SIAH3: variants seen among roughly 807,000 people sequenced by gnomAD.
SIAH3 encodes the protein seven in absentia homolog 3.
A neutral mutation model predicts 12.6 loss-of-function variants in SIAH3; 9 were observed. That is an observed-to-expected ratio of 0.72 (90% CI 0.43 to 1.25). The LOEUF is 1.25. Ranked by LOEUF, SIAH3 falls within the 50% of genes most tolerant of loss-of-function variation. The pLI is 0.00. For missense variants in SIAH3, 390 were observed against 365.4 expected (o/e 1.07, Z -0.55); for synonymous variants, 154 against 151.1 (o/e 1.02, Z -0.14).
intron 1 of SIAH3, among the ~76,000 whole-genome samples, chr13:45,808,167 T>C (rs1219220891): frequency 6.6e-6 from 1 of 152,226 alleles, no homozygotes; most frequent in East Asian, 1.9e-4. Flanking sequence ...CTTGATTTTC[T>C]GTTTTGTTGA....
chr13:45,837,384 C>T (rs925327369), intron 1 of SIAH3, among the ~76,000 whole-genome samples: 1 of 151,690 alleles, frequency 6.6e-6, no homozygotes, highest in Non-Finnish European at 1.5e-5. Flanking sequence ...CTAACTTACT[C>T]ATCAAATAAT....
intron 1 of SIAH3, among the ~76,000 whole-genome samples, chr13:45,828,620 T>C (rs1049753571): frequency 6.6e-6 from 1 of 152,222 alleles, no homozygotes; most frequent in Non-Finnish European, 1.5e-5. Flanking sequence ...TGAGCTTCCA[T>C]GTGGAATTAG....
At chr13:45,830,059 T>C (rs1950693062) in intron 1 of SIAH3, among the ~76,000 whole-genome samples, 5 of 152,130 alleles carry the variant, frequency 3.3e-5, no homozygotes, top group African/African-American at 1.2e-4. Context: ...TCCATTTTTC[T>C]TCCTATCTTG....
At chr13:45,796,035 C>G (rs940584181) in intron 1 of SIAH3, among the ~76,000 whole-genome samples, 5 of 152,190 alleles carry the variant, frequency 3.3e-5, no homozygotes, top group African/African-American at 1.2e-4. Context: ...TCTATAGTGA[C>G]AGAGGCTTGA....
intron 1 of SIAH3, among the ~76,000 whole-genome samples, chr13:45,792,765 G>A (rs1421527928): frequency 2.0e-5 from 3 of 152,194 alleles, no homozygotes; most frequent in South Asian, 2.1e-4. Flanking sequence ...ACCACCACGT[G>A]TACTTTTGCC....
intron 1 of SIAH3, among the ~76,000 whole-genome samples, chr13:45,842,160 C>A (rs1950742367): frequency 6.6e-6 from 1 of 152,200 alleles, no homozygotes; most frequent in African/African-American, 2.4e-5. Context: ...GCTCTACCTT[C>A]CCCCTTCCCT....
Position 45,790,378 on chromosome 13 carries a change from C to T in SIAH3, c.136-6321G>A, listed in dbSNP as rs980979057. 7.9e-5 allele frequency among the ~76,000 whole-genome samples: 12 copies of T among 152,050 alleles called. No homozygotes were observed. The South Asian group carries it at 8.3e-4, about 11-fold the overall frequency. ...TCCATATAGATGTCTTCATAGACAC[C>T]AGTCCTATGATCTCAAAAGCCTCCT... On this transcript the variant is annotated intron_variant, in intron 1 of 1. Transcript: ENST00000400405.
chr13:45,807,374 C>T (rs1300147444), intron 1 of SIAH3, among the ~76,000 whole-genome samples: 1 of 151,452 alleles, frequency 6.6e-6, no homozygotes, highest in Non-Finnish European at 1.5e-5. Flanking sequence ...ATGAAGGAGA[C>T]TATTCAATAA....
chr13:45,804,608 T>A (rs1950592712), intron 1 of SIAH3, among the ~76,000 whole-genome samples: 1 of 152,118 alleles, frequency 6.6e-6, no homozygotes, highest in African/African-American at 2.4e-5. Flanking sequence ...ACAGCCAACA[T>A]TATACTAAAG....
At chr13:45,796,789 C>T (rs1194061234) in intron 1 of SIAH3, among the ~76,000 whole-genome samples, 1 of 152,192 alleles carries the variant, frequency 6.6e-6, no homozygotes, top group East Asian at 1.9e-4. Flanking sequence ...ATGTGGCTCT[C>T]CTCACACCGA....
intron 1 of SIAH3, among the ~76,000 whole-genome samples, chr13:45,807,537 T>C (rs1950602162): frequency 6.6e-6 from 1 of 152,116 alleles, no homozygotes; most frequent in South Asian, 2.1e-4. Flanking sequence ...CATTGTATAT[T>C]ATTAGAGAAA....
intron 1 of SIAH3, among the ~76,000 whole-genome samples, chr13:45,789,231 A>G (rs1277718029): frequency 2.0e-5 from 3 of 152,242 alleles, no homozygotes; most frequent in Admixed American, 6.5e-5. Flanking sequence ...CTTCTCCTCC[A>G]TATCAGATTC....
At chr13:45,788,315 TGTGA>T (rs1950534593) in intron 1 of SIAH3, among the ~76,000 whole-genome samples, 1 of 152,230 alleles carries the variant, frequency 6.6e-6, no homozygotes, top group African/African-American at 2.4e-5. Flanking sequence ...ACAGTGGATG[TGTGA>T]GTAATTACTT....
chr13:45,783,933 GGGTGGGCGTGGTGGCGGAGGTGGTGGT>G lies in SIAH3; in HGVS notation c.233_259del (p.His78_His86del). On this transcript the variant is annotated inframe_deletion, in exon 2 of 2. Transcript: ENST00000400405. Reference sequence around the variant, plus strand: ...CGCCTCCTGGTGGTGAAGGTGGTGGGGGTGGGCGTGGTGGCGGAGGTGGTGGTGGTGGCGGTGGTGGCAGTGGTGGTG... The same window carrying G: ...CGCCTCCTGGTGGTGAAGGTGGTGGGGGTGGCGGTGGTGGCAGTGGTGGTG... The G allele has an allele frequency of 6.2e-7, 1 of 1,608,870 alleles. No homozygotes were observed. Among genetic ancestry groups the G allele is most frequent in the Non-Finnish European group, 8.5e-7 (1 of 1,177,908 alleles).
intron 1 of SIAH3, among the ~76,000 whole-genome samples, chr13:45,807,306 A>G (rs138600005): frequency 0.013 from 1,929 of 152,194 alleles, 32 homozygotes; most frequent in African/African-American, 0.042. Context: ...TGATTTAAAA[A>G]GTTTATATGA....
At chr13:45,821,567 T>C (rs896148673) in intron 1 of SIAH3, among the ~76,000 whole-genome samples, 16 of 152,178 alleles carry the variant, frequency 1.1e-4, no homozygotes, top group African/African-American at 3.1e-4. Flanking sequence ...TCAAAAAAAT[T>C]TGGTGTCATA....
At position 45,777,538 on chromosome 13, in the gene SIAH3, G is replaced by A. The variant is rs112079191; in HGVS notation, c.*5845C>T. On this transcript the variant is annotated 3_prime_UTR_variant, in exon 2 of 2. Transcript: ENST00000400405. Reference sequence around the variant, plus strand: ...AAATTCTAACCCAGGTAGTTCATGTGATGACCTGATTTGGGGGGAAATTAA... The same window carrying A: ...AAATTCTAACCCAGGTAGTTCATGTAATGACCTGATTTGGGGGGAAATTAA... The A allele has an allele frequency of 1.3e-5, 2 of 152,120 alleles. No individual in the cohort carries two copies. The highest frequency in any genetic ancestry group is 2.9e-5 in the Non-Finnish European group (2 of 68,024). The allele number at this position is 152,120 out of a possible 1,614,324, so 9.4% of individuals were successfully genotyped here. A position where few individuals can be genotyped will look rare whatever the true frequency, so the allele number is the denominator to read the frequency against.
At position 45,848,148 on chromosome 13, in the gene SIAH3, G is replaced by A. The variant is rs1448728285; in HGVS notation, c.135+3347C>T. Among the ~76,000 whole-genome samples the A allele has an allele frequency of 5.3e-5, 8 of 152,284 alleles. No homozygotes were observed. In the South Asian group the frequency reaches 1.2e-3, roughly 24 times the overall value. ...ATGAGCGCCAGCCTGAAGTCTGCTC[G>A]TCACATTTCAATAACCTCTGTGAAT... On this transcript the variant is annotated intron_variant, in intron 1 of 1. Coordinates refer to ENST00000400405, the MANE Select transcript of SIAH3 (RefSeq NM_198849.3).
chr13:45,784,033 T>C lies in SIAH3; in HGVS notation c.160A>G (p.Thr54Ala), dbSNP rs558911325. 1.9e-6 allele frequency: 3 copies of C among 1,596,018 alleles called. No homozygotes were observed. In the South Asian group the frequency reaches 3.5e-5, roughly 18 times the overall value. ...CTGCCTTGCTCTGGAGCGCTCTGAG[T>C]GACGGCGCGCCGACTGGACACATAC... ...LKYVSSRRAV[T>A]QSAPEQGSFH... The change falls in exon 2 of 2, where the codon ACT (threonine) becomes GCT (alanine). Residue 54 changes from threonine to alanine, a missense_variant. By Grantham distance (58) the Thr-to-Ala change is moderately conservative (BLOSUM62 0). Transcript: ENST00000400405.
Sources: gnomAD v4.1 joint callset for allele counts (sites outside exome capture counted in the v4.1 genomes callset) on GRCh38, gnomAD v4.1.1 for gene constraint, MANE v1.5 for transcripts, NCBI Gene and HGNC (gene_info 2026-07-23, HGNC 2026-07-21) for gene names.